CLIP1: variants seen among roughly 807,000 people sequenced by gnomAD.
CLIP1 encodes CAP-Gly domain containing linker protein 1, also known as CAP-Gly domain-containing linker protein 1.
Under a neutral mutation model 161.6 loss-of-function variants are expected in CLIP1, and 66 were observed. The ratio of observed to expected loss-of-function variants is 0.41; its 90% CI spans 0.33 to 0.50. The LOEUF (loss-of-function observed/expected upper bound fraction) is 0.50, where lower values mean the gene tolerates loss of function less well. Among genes scored for constraint, CLIP1 ranks in the 20% least tolerant of loss-of-function variants. The pLI is 0.27. For synonymous variants in CLIP1, 598 were observed against 626.2 expected, an observed-to-expected ratio of 0.96 and a Z score of 0.67; for missense variants, 1,376 against 1,702.0, an observed-to-expected ratio of 0.81 and a Z score of 3.37.
intron 3 of CLIP1, among the ~76,000 whole-genome samples, chr12:122,371,549 T>C (rs1954451886): frequency 1.3e-5 from 2 of 152,210 alleles, no homozygotes; most frequent in African/African-American, 2.4e-5. Flanking sequence ...GACATTTTAA[T>C]TGATCTCTCT....
At chr12:122,378,025 A>G in intron 2 of CLIP1, 65 bp from the exon 3 acceptor site, 1 of 1,400,352 alleles carries the variant, frequency 7.1e-7, no homozygotes, top group Non-Finnish European at 9.7e-7. Flanking sequence ...AACTTAAAGA[A>G]AAACTAGAGA....
intron 1 of CLIP1, among the ~76,000 whole-genome samples, chr12:122,406,828 G>C (rs1417459361): frequency 6.6e-6 from 1 of 151,574 alleles, no homozygotes; most frequent in African/African-American, 2.4e-5. Context: ...GCAACTGCCT[G>C]CAATTATGAA....
At chr12:122,305,718 C>T (rs1410886582) in intron 20 of CLIP1, among the ~76,000 whole-genome samples, 2 of 152,032 alleles carry the variant, frequency 1.3e-5, no homozygotes, top group Non-Finnish European at 2.9e-5. Flanking sequence ...GAAAGGCTGC[C>T]CACCTTTCAT....
chr12:122,356,112 C>T (rs534689999), intron 5 of CLIP1: 3 of 152,218 alleles, frequency 2.0e-5, no homozygotes, highest in African/African-American at 7.2e-5. Flanking sequence ...ATTACTTAAA[C>T]ATACCAGGAA....
chr12:122,347,620 A>T (rs935173418), intron 9 of CLIP1, 141 bp from the exon 10 acceptor site: 10 of 651,392 alleles, frequency 1.5e-5, no homozygotes, highest in Non-Finnish European at 2.2e-5. Context: ...AGAAGGGAAG[A>T]GGTGGAGGTG....
chr12:122,354,836 G>A (rs997338094), intron 6 of CLIP1: 2 of 577,944 alleles, frequency 3.5e-6, no homozygotes, highest in Non-Finnish European at 6.2e-6. Context: ...TCAATCATTG[G>A]TAAGGCCCTA....
intron 1 of CLIP1, among the ~76,000 whole-genome samples, chr12:122,395,200 A>G (rs1955863759): frequency 6.6e-6 from 1 of 152,248 alleles, no homozygotes; most frequent in South Asian, 2.1e-4. Context: ...TACACACAGT[A>G]AAAACACTTT....
At chr12:122,356,815 T>C (rs1181011238) in intron 5 of CLIP1, among the ~76,000 whole-genome samples, 1 of 152,212 alleles carries the variant, frequency 6.6e-6, no homozygotes, top group Non-Finnish European at 1.5e-5. Flanking sequence ...TTTTCGTATT[T>C]TTTTGGTGGA....
chr12:122,293,758 G>C (rs528328219), intron 20 of CLIP1, among the ~76,000 whole-genome samples: 1 of 150,838 alleles, frequency 6.6e-6, no homozygotes, highest in African/African-American at 2.4e-5. Flanking sequence ...GATTACAGGC[G>C]TGAGTTACCG....
At chr12:122,396,933 A>ATTTTTTTTTT (rs34381270) in intron 1 of CLIP1, among the ~76,000 whole-genome samples, 1 of 75,060 alleles carries the variant, frequency 1.3e-5, no homozygotes, top group Non-Finnish European at 2.4e-5. Flanking sequence ...CACCCGGCAA[A>ATTTTTTTTTT]TTTTTTTTTT....
chr12:122,383,998 A>G (rs1049209517), intron 1 of CLIP1, among the ~76,000 whole-genome samples: 5 of 152,200 alleles, frequency 3.3e-5, no homozygotes, highest in African/African-American at 7.2e-5. Context: ...CACATAGAAC[A>G]TTATAATTCA....
At chr12:122,369,076 T>C (rs1593180550) in intron 3 of CLIP1, among the ~76,000 whole-genome samples, 1 of 151,546 alleles carries the variant, frequency 6.6e-6, no homozygotes, top group East Asian at 1.9e-4. Flanking sequence ...TGGAGTGCAG[T>C]GGCATGATCT....
At chr12:122,378,387 A>C (rs1240361417) in intron 2 of CLIP1, among the ~76,000 whole-genome samples, 4 of 152,010 alleles carry the variant, frequency 2.6e-5, no homozygotes, top group African/African-American at 7.2e-5. Flanking sequence ...GTGCCTCACC[A>C]AAGTGTTTTT....
At chr12:122,330,601 T>G (rs1951906208) in intron 15 of CLIP1, among the ~76,000 whole-genome samples, 1 of 136,450 alleles carries the variant, frequency 7.3e-6, no homozygotes, top group Non-Finnish European at 1.6e-5. Flanking sequence ...AATGCAGTTT[T>G]TTTTTTTTTT....
intron 2 of CLIP1, among the ~76,000 whole-genome samples, chr12:122,379,440 C>G (rs1954899866): frequency 6.6e-6 from 1 of 151,094 alleles, no homozygotes; most frequent in East Asian, 2.0e-4. Context: ...ATGGTGAAAC[C>G]CCATCTCTAC....
At chr12:122,280,971 C>A (rs759059376) in intron 21 of CLIP1, 1 of 152,194 alleles carries the variant, frequency 6.6e-6, no homozygotes, top group African/African-American at 2.4e-5. Flanking sequence ...TTGGAACCAA[C>A]TGGAGGAACA....
intron 3 of CLIP1, among the ~76,000 whole-genome samples, chr12:122,368,278 C>T (rs899228822): frequency 3.3e-5 from 5 of 152,088 alleles, no homozygotes; most frequent in Admixed American, 3.3e-4. Context: ...GGGAGACAGA[C>T]AAGAAGATTC....
rs1592943545 is a variant in CLIP1 at position 122,272,094 on chromosome 12, G to C, written c.*781C>G. 1 of 152,218 alleles carries C rather than the reference G, an allele frequency of 6.6e-6. No homozygotes were observed. The highest frequency in any genetic ancestry group is 1.9e-4 in the East Asian group (1 of 5,194). The allele number at this position is 152,218 out of a possible 1,614,324, so 9.4% of individuals were successfully genotyped here. Reference sequence around the variant, plus strand: ...TTTTAAGTGTTTTCTTTTTCAAAAAGGTAAATGTCCAAAAAGAAAGACACA... The same window carrying C: ...TTTTAAGTGTTTTCTTTTTCAAAAACGTAAATGTCCAAAAAGAAAGACACA... On this transcript the variant is annotated 3_prime_UTR_variant, in exon 26 of 26. Coordinates refer to ENST00000620786, the MANE Select transcript of CLIP1 (RefSeq NM_001247997.2).
chr12:122,381,988 G>A (rs375084495), intron 1 of CLIP1, among the ~76,000 whole-genome samples: 1 of 152,194 alleles, frequency 6.6e-6, no homozygotes, highest in Non-Finnish European at 1.5e-5. Flanking sequence ...ACTTTGGGAC[G>A]CCAAGGTGGA....
Sources: allele counts gnomAD v4.1 joint callset (sites outside exome capture counted in the v4.1 genomes callset), GRCh38; gene constraint gnomAD v4.1.1; transcripts MANE v1.5; gene names NCBI Gene and HGNC (gene_info 2026-07-23, HGNC 2026-07-21).